ARMC8: variants seen among roughly 807,000 people sequenced by gnomAD.
ARMC8 encodes the protein armadillo repeat containing 8.
In ARMC8, 20 loss-of-function variants were observed where a neutral mutation model predicts 99.3. That is an observed-to-expected ratio of 0.20 (90% CI 0.14 to 0.29). The LOEUF (loss-of-function observed/expected upper bound fraction) is 0.29. Ranked by LOEUF, ARMC8 falls within the 10% of genes least tolerant of loss-of-function variation. The pLI is 1.00. For synonymous variants in ARMC8, 263 were observed against 278.3 expected, an observed-to-expected ratio of 0.95 and a Z score of 0.55; for missense variants, 569 against 809.5, an observed-to-expected ratio of 0.70 and a Z score of 3.60.
intron 12 of ARMC8, chr3:138,246,159 T>G (rs2046871518): frequency 1.0e-6 from 1 of 985,600 alleles, no homozygotes; most frequent in African/African-American, 1.7e-5. Flanking sequence ...TGAAATAACT[T>G]GAAAAGGAAC....
rs573568789 is a variant in ARMC8, at chr3:138,194,409, G to T, written c.45+6810G>T. On this transcript the variant is annotated intron_variant, in intron 1 of 21. Transcript: ENST00000469044. ...CTGGAGTGCAGTGGCGCGATCTCGG[G>T]TCACTGCAACCTCCGCCTCCCAGGT... 8.3e-3 allele frequency among the ~76,000 whole-genome samples: 930 copies of T among 112,668 alleles called. 8 individuals are homozygous for T. The highest frequency in any genetic ancestry group is 0.03 in the African/African-American group (888 of 29,750). 73.9% of individuals were successfully genotyped at this position (112,668 alleles called of 152,430 possible).
At chr3:138,208,526 GT>G (rs1274113146) in intron 1 of ARMC8, among the ~76,000 whole-genome samples, 1 of 152,204 alleles carries the variant, frequency 6.6e-6, no homozygotes, top group African/African-American at 2.4e-5. Flanking sequence ...GAAAACTAGA[GT>G]TTGTGTAGTT....
chr3:138,263,516 C>T, intron 12 of ARMC8: 1 of 568,750 alleles, frequency 1.8e-6, no homozygotes, highest in South Asian at 2.1e-5. Context: ...ACAACATAAC[C>T]TGCCCCTTAC....
At position 138,237,373 on chromosome 3, in the gene ARMC8, C is replaced by G; in HGVS notation, c.674C>G (p.Thr225Ser). ...LAFENPQVSM[T>S]LVNVLVDGEL... is the part of the protein sequence containing the mutation. Reference sequence around the variant, plus strand: ...TTTGAAAACCCCCAGGTATCGATGACCCTGGTAAATGGTAGGCTGGAGCTT... The same window carrying G: ...TTTGAAAACCCCCAGGTATCGATGAGCCTGGTAAATGGTAGGCTGGAGCTT... The change falls in exon 8 of 22, where the codon ACC (threonine) becomes AGC (serine). Residue 225 changes from threonine (T) to serine (S), a missense_variant. Physicochemically the swap from Thr to Ser is moderately conservative, Grantham distance 58. This residue lies in a region of ARMC8 where 342 missense variants were observed against 391.6 expected (regional missense o/e 0.87). Transcript: ENST00000469044. 1 of 1,613,410 alleles carries G rather than the reference C, an allele frequency of 6.2e-7. No homozygotes were observed. The highest frequency in any genetic ancestry group is 8.5e-7 in the Non-Finnish European group (1 of 1,179,620).
At chr3:138,214,418 T>C (rs750876423) in intron 2 of ARMC8, among the ~76,000 whole-genome samples, 1 of 151,926 alleles carries the variant, frequency 6.6e-6, no homozygotes, top group African/African-American at 2.4e-5. Context: ...GTACTGATGA[T>C]ATGAGTTTAT....
intron 18 of ARMC8, among the ~76,000 whole-genome samples, chr3:138,280,580 G>A (rs753450112): frequency 2.0e-5 from 3 of 148,160 alleles, no homozygotes; most frequent in African/African-American, 5.0e-5. Context: ...TGCAAGCTCC[G>A]TCTTCCGGGT....
chr3:138,236,492 G>A lies in ARMC8; in HGVS notation c.610-817G>A, dbSNP rs1451231509. Among the ~76,000 whole-genome samples, 3 of 152,172 alleles carry A rather than the reference G, an allele frequency of 2.0e-5. No individual in the cohort carries two copies. The East Asian group carries it at 5.8e-4, about 29-fold the overall frequency. On this transcript the variant is annotated intron_variant, in intron 7 of 21. Coordinates refer to ENST00000469044, the MANE Select transcript of ARMC8 (RefSeq NM_001363941.2). ...CCTACAGGTTGTGGAAAGGGGACTA[G>A]TCTGGTAACATTACTCTTCTGCCAG...
chr3:138,264,412 C>CTTTTT (rs11298899), intron 14 of ARMC8, among the ~76,000 whole-genome samples, 200 bp downstream of exon 14: 22 of 48,638 alleles, frequency 4.5e-4, no homozygotes, highest in South Asian at 1.2e-3. Context: ...GATTTTCTTT[C>CTTTTT]TTTTTTTTTT....
chr3:138,234,440 T>G (rs2046228111), intron 6 of ARMC8, among the ~76,000 whole-genome samples: 1 of 152,162 alleles, frequency 6.6e-6, no homozygotes, highest in African/African-American at 2.4e-5. Flanking sequence ...AAAAATGAGA[T>G]AGAAATATGG....
chr3:138,187,293 C>A, upstream of ARMC8: 3 of 430,402 alleles, frequency 7.0e-6, no homozygotes, highest in Non-Finnish European at 1.2e-5. Flanking sequence ...ATGCGGAAAC[C>A]GCTGCCCGCT....
intron 19 of ARMC8, among the ~76,000 whole-genome samples, chr3:138,284,950 G>A (rs1161635380): frequency 2.0e-5 from 3 of 152,166 alleles, no homozygotes; most frequent in African/African-American, 4.8e-5. Flanking sequence ...GCCATATCCT[G>A]CATCTGATCA....
chr3:138,255,721 T>G lies in ARMC8; in HGVS notation c.1135-8018T>G, dbSNP rs191438998. ...AAAGCTGGGAGCGGTGACTCACACC[T>G]ATAATCCCAGCACTTTGGGAGGCCG... On this transcript the variant is annotated intron_variant, in intron 12 of 21. Coordinates refer to ENST00000469044, the MANE Select transcript of ARMC8 (RefSeq NM_001363941.2). Among the ~76,000 whole-genome samples the G allele has an allele frequency of 2.2e-3, 328 of 152,338 alleles. 3 individuals carry two copies. Among genetic ancestry groups the G allele is most frequent in the Admixed American group, 0.014 (215 of 15,302 alleles).
At chr3:138,225,971 C>T (rs998945306) in intron 5 of ARMC8, among the ~76,000 whole-genome samples, 4 of 152,066 alleles carry the variant, frequency 2.6e-5, no homozygotes, top group African/African-American at 9.7e-5. Flanking sequence ...GTAGGGAGCA[C>T]CTAAATTATG....
chr3:138,231,411 A>G lies in ARMC8; in HGVS notation c.528+2401A>G, dbSNP rs568534350. Among the ~76,000 whole-genome samples the G allele has an allele frequency of 3.4e-4, 52 of 152,324 alleles. No homozygotes were observed. In the East Asian group the frequency reaches 0.01, roughly 29 times the overall value. On this transcript the variant is annotated intron_variant, in intron 6 of 21. Coordinates refer to ENST00000469044, the MANE Select transcript of ARMC8 (RefSeq NM_001363941.2). ...TTGCTTTGACTGGTATCAATATTAA[A>G]TAAATTTACATACTTTGGGGGAGGG...
chr3:138,224,614 G>C (rs146289942), intron 5 of ARMC8, among the ~76,000 whole-genome samples: 1 of 152,112 alleles, frequency 6.6e-6, no homozygotes, highest in African/African-American at 2.4e-5. Context: ...AACCGGGCAC[G>C]GTGGCACATA....
chr3:138,249,663 A>G (rs2047037138), intron 12 of ARMC8, among the ~76,000 whole-genome samples: 1 of 152,050 alleles, frequency 6.6e-6, no homozygotes, highest in African/African-American at 2.4e-5. Flanking sequence ...TTAGTGTCTG[A>G]TTTTTAAGAT....
At chr3:138,272,460 T>A (rs1303758962) in intron 16 of ARMC8, among the ~76,000 whole-genome samples, 3 of 151,738 alleles carry the variant, frequency 2.0e-5, no homozygotes, top group African/African-American at 7.3e-5. Context: ...CATGTAGAAG[T>A]ATATCTAAGA....
intron 14 of ARMC8, among the ~76,000 whole-genome samples, chr3:138,264,702 G>A (rs1269361459): frequency 6.6e-6 from 1 of 151,760 alleles, no homozygotes; most frequent in African/African-American, 2.4e-5. Context: ...ACAGGCATGA[G>A]CCACTGCGCC....
intron 16 of ARMC8, among the ~76,000 whole-genome samples, chr3:138,270,586 G>A (rs897495783): frequency 1.9e-4 from 29 of 152,066 alleles, no homozygotes; most frequent in African/African-American, 7.0e-4. Context: ...AAAATTATGT[G>A]TGTTTATAAA....
Sources: gnomAD v4.1 joint callset for allele counts (sites outside exome capture counted in the v4.1 genomes callset) on GRCh38, gnomAD v4.1.1 for gene constraint, gnomAD v4.1.1 regional missense constraint, MANE v1.5 for transcripts, NCBI Gene and HGNC (gene_info 2026-07-23, HGNC 2026-07-21) for gene names.